ACAA2: variants seen among roughly 807,000 people sequenced by gnomAD.
The protein encoded by ACAA2 is 3-ketoacyl-CoA thiolase, mitochondrial.
In ACAA2, 35 loss-of-function variants were observed where a neutral mutation model predicts 44.8. That is an observed-to-expected ratio of 0.78 (90% confidence interval 0.60 to 1.04). The LOEUF (loss-of-function observed/expected upper bound fraction) is 1.04, where lower values mean the gene tolerates loss of function less well. ACAA2 is among the 50% of genes least tolerant of loss of function. The pLI, the probability that ACAA2 is intolerant of heterozygous loss-of-function variation, is 0.00. For missense variants in ACAA2, 468 were observed against 482.6 expected (o/e 0.97, Z 0.28); for synonymous variants, 142 against 166.5 (o/e 0.85, Z 1.13).
intron 1 of ACAA2, among the ~76,000 whole-genome samples, chr18:49,811,875 T>C (rs1465415289): frequency 6.6e-6 from 1 of 152,224 alleles, no homozygotes; most frequent in African/African-American, 2.4e-5. Flanking sequence ...TTATAAACTT[T>C]ATACTTCCTT....
chr18:49,809,825 T>C (rs1373162695), intron 1 of ACAA2, among the ~76,000 whole-genome samples: 3 of 152,178 alleles, frequency 2.0e-5, no homozygotes, highest in East Asian at 1.9e-4. Flanking sequence ...TCAAAACCCA[T>C]AGAACTATAC....
rs2023365632 is a variant in ACAA2 at position 49,788,931 on chromosome 18, C to A, written c.884-1570G>T. 2.0e-5 allele frequency among the ~76,000 whole-genome samples: 3 copies of A among 152,210 alleles called. No individual in the cohort carries two copies. In the South Asian group the frequency reaches 6.2e-4, roughly 32 times the overall value. On this transcript the variant is annotated intron_variant, in intron 7 of 9. Transcript: ENST00000285093. ...AATAGCTGTGCGACTTTGTGCATCT[C>A]TCTGGGCAACAAGCTACTCATCAAT...
intron 2 of ACAA2, among the ~76,000 whole-genome samples, chr18:49,800,584 T>C (rs1210474481): frequency 1.3e-5 from 2 of 152,192 alleles, no homozygotes; most frequent in Non-Finnish European, 2.9e-5. Context: ...ATCCTGTTGA[T>C]CTGTGACCTT....
rs576205362 is a variant in ACAA2, at chr18:49,808,350, T to C, written c.16+5119A>G. Among the ~76,000 whole-genome samples, 6 of 152,356 alleles carry C rather than the reference T, an allele frequency of 3.9e-5. No homozygotes were observed. In the East Asian group the frequency reaches 1.2e-3, roughly 29 times the overall value. On this transcript the variant is annotated intron_variant, in intron 1 of 9. Coordinates refer to ENST00000285093, the MANE Select transcript of ACAA2 (RefSeq NM_006111.3). ...ATGTATGATACAGCAATCAGGTTCC[T>C]TGTATTTACCTAAATGATTTGAAAA...
chr18:49,803,585 T>C (rs1598801027), intron 1 of ACAA2, among the ~76,000 whole-genome samples: 1 of 152,230 alleles, frequency 6.6e-6, no homozygotes, highest in African/African-American at 2.4e-5. Context: ...TGGCTCGTCC[T>C]GCTACACTGT....
chr18:49,792,267 C>G lies in ACAA2; in HGVS notation c.638G>C (p.Gly213Ala). ...MAPIEVKTKK[G>A]KQTMQVDEHA... The stretch of plus-strand genomic sequence containing the variant: ...CTCGTCTACCTGCATTGTCTGTTTT[C>G]CTTTCTTTGTCTTCACTTCAATTGG... Residue 213 changes from glycine (G) to alanine (A), a missense_variant, in exon 6 of 10, where the codon GGA (glycine) becomes GCA (alanine). Coordinates refer to ENST00000285093, the MANE Select transcript of ACAA2 (RefSeq NM_006111.3). The G allele has an allele frequency of 6.2e-7, 1 of 1,613,818 alleles. No individual in the cohort carries two copies. The highest frequency in any genetic ancestry group is 1.1e-5 in the South Asian group (1 of 91,060).
intron 1 of ACAA2, among the ~76,000 whole-genome samples, chr18:49,808,023 G>A (rs889049445): frequency 6.7e-6 from 1 of 148,740 alleles, no homozygotes. Context: ...ATTTAAAAAT[G>A]GGCAAAAGAT....
chr18:49,797,085 A>G (rs918858705), intron 3 of ACAA2, among the ~76,000 whole-genome samples: 4 of 152,196 alleles, frequency 2.6e-5, no homozygotes, highest in East Asian at 1.9e-4. Flanking sequence ...AACGCTTTTC[A>G]TCTTGCAAAA....
At chr18:49,802,990 A>T in intron 1 of ACAA2, 137 bp from the exon 2 acceptor site, 1 of 975,580 alleles carries the variant, frequency 1.0e-6, no homozygotes, top group Non-Finnish European at 1.6e-6. Flanking sequence ...AATACCTAGA[A>T]CAAGTCATAC....
chr18:49,788,719 T>A (rs2023363219), intron 7 of ACAA2, among the ~76,000 whole-genome samples: 1 of 152,190 alleles, frequency 6.6e-6, no homozygotes, highest in Non-Finnish European at 1.5e-5. Context: ...CTTGTCTGCA[T>A]AAACAACACA....
chr18:49,785,732 G>A (rs1024425250), intron 8 of ACAA2: 7 of 203,888 alleles, frequency 3.4e-5, no homozygotes, highest in Admixed American at 1.8e-4. Flanking sequence ...TCACGTTTCC[G>A]CGTGTGAAAA....
At chr18:49,787,740 C>G (rs1369308011) in intron 7 of ACAA2, among the ~76,000 whole-genome samples, 1 of 152,156 alleles carries the variant, frequency 6.6e-6, no homozygotes, top group African/African-American at 2.4e-5. Context: ...ATGAAAAGTT[C>G]TACCATAAAC....
chr18:49,785,753 G>A (rs1238927355), intron 8 of ACAA2: 2 of 204,056 alleles, frequency 9.8e-6, no homozygotes, highest in Non-Finnish European at 1.9e-5. Flanking sequence ...TGTGACTGTG[G>A]TATCATGCTA....
At position 49,783,541 on chromosome 18, in the gene ACAA2, C is replaced by A; in HGVS notation, c.*306G>T. 4.4e-6 allele frequency: 1 copy of A among 228,156 alleles called. No homozygotes were observed. The highest frequency in any genetic ancestry group is 5.1e-5 in the Admixed American group (1 of 19,432). The allele number at this position is 228,156 out of a possible 1,614,324, so 14.1% of individuals were successfully genotyped here. On this transcript the variant is annotated 3_prime_UTR_variant, in exon 10 of 10. Coordinates refer to ENST00000285093, the MANE Select transcript of ACAA2 (RefSeq NM_006111.3). The stretch of plus-strand genomic sequence containing the variant: ...AACATTTATTTGATTTCCTTATAAT[C>A]ATATTATCTAAGGCAGAAGTGGTGG...
At position 49,783,880 on chromosome 18, in the gene ACAA2, T is replaced by G; in HGVS notation, c.1161A>C (p.Gln387His). Residue 387 changes from glutamine (Q) to histidine (H), a missense_variant, in exon 10 of 10, where the codon CAA becomes CAC. By Grantham distance (24) the Gln-to-His change is conservative. Coordinates refer to ENST00000285093, the MANE Select transcript of ACAA2 (RefSeq NM_006111.3). ...TGCTCTGAATGATGACAGCAATACC[T>G]TGGCCACCTCCAATGCAAGCTGATC... ...AVGSACIGGG[Q>H]GIAVIIQSTA 6.2e-7 allele frequency: 1 copy of G among 1,614,004 alleles called. No individual in the cohort carries two copies. Among genetic ancestry groups the G allele is most frequent in the Non-Finnish European group, 8.5e-7 (1 of 1,179,990 alleles).
chr18:49,797,875 GTAT>G (rs2023483472), intron 2 of ACAA2, among the ~76,000 whole-genome samples: 2 of 152,094 alleles, frequency 1.3e-5, no homozygotes, highest in African/African-American at 2.4e-5. Context: ...TAGTTCAATG[GTAT>G]TATTTAAATA....
chr18:49,788,888 G>A (rs1432909585), intron 7 of ACAA2, among the ~76,000 whole-genome samples: 1 of 152,196 alleles, frequency 6.6e-6, no homozygotes, highest in Non-Finnish European at 1.5e-5. Flanking sequence ...CTTATTTCTA[G>A]TCCTGGTTCC....
intron 1 of ACAA2, among the ~76,000 whole-genome samples, chr18:49,803,274 A>ATAATAATAATAC (rs997911982): frequency 4.7e-5 from 7 of 149,038 alleles, no homozygotes; most frequent in Non-Finnish European, 7.4e-5. Context: ...AATAATAATA[A>ATAATAATAATAC]TAATAATATC....
chr18:49,789,256 AC>A (rs1217896995), intron 7 of ACAA2, among the ~76,000 whole-genome samples: 1 of 152,180 alleles, frequency 6.6e-6, no homozygotes, highest in Non-Finnish European at 1.5e-5. Flanking sequence ...GGAACTGAGA[AC>A]CACTATTCTT....
Sources: allele counts gnomAD v4.1 joint callset (sites outside exome capture counted in the v4.1 genomes callset), GRCh38; gene constraint gnomAD v4.1.1; transcripts MANE v1.5; gene names NCBI Gene and HGNC (gene_info 2026-07-23, HGNC 2026-07-21).